CTC1: variants seen among roughly 807,000 people sequenced by gnomAD.
CTC1 encodes the protein CST complex subunit CTC1.
Under a neutral mutation model 136.3 loss-of-function variants are expected in CTC1, and 91 were observed. The ratio of observed to expected loss-of-function variants is 0.67; its 90% confidence interval spans 0.56 to 0.79. CTC1 has a LOEUF of 0.79. Ranked by LOEUF, CTC1 falls within the 30% of genes least tolerant of loss-of-function variation. CTC1 has a pLI of 0.00. For synonymous variants in CTC1, 606 were observed against 613.8 expected (o/e 0.99, Z 0.19); for missense variants, 1,432 against 1,498.1 (o/e 0.96, Z 0.73).
Position 8,228,310 on chromosome 17 carries a change from CGAG to C in CTC1, c.3521_3523del (p.Pro1174del). ...CTCTCCACACTGGAATCGCTGTAGC[CGAG>C]GAGGTTCTGAGGTGGGAAGAGAGGA... is the stretch of plus-strand genomic sequence containing the variant. On this transcript the variant is annotated inframe_deletion, in exon 23 of 23. Transcript: ENST00000651323. 1 of 1,613,968 alleles carries C rather than the reference CGAG, an allele frequency of 6.2e-7. No individual in the cohort carries two copies. Among genetic ancestry groups the C allele is most frequent in the East Asian group, 2.2e-5 (1 of 44,864 alleles).
Position 8,228,116 on chromosome 17 carries a change from A to G in CTC1, c.*64T>C. 6.7e-7 allele frequency: 1 copy of G among 1,495,900 alleles called. No individual in the cohort carries two copies. The highest frequency in any genetic ancestry group is 1.1e-5 in the South Asian group (1 of 88,094). The allele number at this position is 1,495,900 out of a possible 1,614,324, so 92.7% of individuals were successfully genotyped here. ...CAATCACAGAACAAGTAGGGAGAGG[A>G]GCCAGGACCTAGGCCTTCAGGTTTT... On this transcript the variant is annotated 3_prime_UTR_variant, in exon 23 of 23. Transcript: ENST00000651323.
chr17:8,232,089 G>C lies in CTC1; in HGVS notation c.2199C>G (p.Phe733Leu). The change falls in exon 13 of 23, where the codon TTC (phenylalanine) becomes TTG (leucine). Residue 733 changes from phenylalanine (F) to leucine (L), a missense_variant. Coordinates refer to ENST00000651323, the MANE Select transcript of CTC1 (RefSeq NM_025099.6). ...TGAGGGCCTCCTTGTGGCAGAGCAA[G>C]AAGAGCCGGCTCTGTCCTAGGTGGG... Reference protein sequence around the residue: ...EGPHLGQSRLFLLCHKEALMK... With the variant: ...EGPHLGQSRLLLLCHKEALMK... 1 of 1,552,670 alleles carries C rather than the reference G, an allele frequency of 6.4e-7. No individual in the cohort carries two copies. The highest frequency in any genetic ancestry group is 8.7e-7 in the Non-Finnish European group (1 of 1,154,880).
Position 8,230,379 on chromosome 17 carries a change from T to C in CTC1, c.2848A>G (p.Ile950Val), listed in dbSNP as rs763883380. Residue 950 changes from isoleucine (I) to valine (V), a missense_variant, in exon 17 of 23, where the codon ATA becomes GTA. Physicochemically the swap from Ile to Val is conservative, Grantham distance 29 (BLOSUM62 3). Transcript: ENST00000651323. ...CEFPPHLDVY[I>V]EDPHLPPSLG... ...GAGGGAGGCAAGTGTGGGTCTTCTA[T>C]ATATACATCCAGGTGAGGGGGGAAT... is the stretch of plus-strand genomic sequence containing the variant. 5 of 1,614,036 alleles carry C rather than the reference T, an allele frequency of 3.1e-6. No homozygotes were observed. The highest frequency in any genetic ancestry group is 2.2e-5 in the East Asian group (1 of 44,890).
In CTC1 at chr17:8,225,033, T is replaced by C. The variant is rs908743542; in HGVS notation, c.*3147A>G. 1 of 152,166 alleles carries C rather than the reference T, an allele frequency of 6.6e-6. No homozygotes were observed. The highest frequency in any genetic ancestry group is 1.5e-5 in the Non-Finnish European group (1 of 68,044). The allele number at this position is 152,166 out of a possible 1,614,324, so 9.4% of individuals were successfully genotyped here. On this transcript the variant is annotated 3_prime_UTR_variant, in exon 23 of 23. Transcript: ENST00000651323. ...TTTGCATTTTTAGTAGAGACGAGGT[T>C]TCACTATGTTACCAGGTTTCACTAT... is the stretch of plus-strand genomic sequence containing the variant.
At chr17:8,238,815 G>A (rs1987974845) in intron 2 of CTC1, among the ~76,000 whole-genome samples, 186 bp from the exon 3 acceptor site, 2 of 152,142 alleles carry the variant, frequency 1.3e-5, no homozygotes, top group Non-Finnish European at 2.9e-5. Context: ...GATGGGGCCG[G>A]GCGAGTGGCT....
At chr17:8,240,471 T>TGGAC (rs567177255) in intron 2 of CTC1, among the ~76,000 whole-genome samples, 2,959 of 151,742 alleles carry the variant, frequency 0.02, 103 homozygotes, top group African/African-American at 0.068. Context: ...AAAAGTAATC[T>TGGAC]TAAGTGTTAT....
chr17:8,234,703 G>C lies in CTC1; in HGVS notation c.1617+46C>G, dbSNP rs546870943. On this transcript the variant is annotated intron_variant, in intron 9 of 22. Transcript: ENST00000651323. Reference sequence around the variant, plus strand: ...CGGGTGTGTGTCCCATGGGCCCCAGGTGTCCTCCAGTGTTCTGCCACCATC... The same window carrying C: ...CGGGTGTGTGTCCCATGGGCCCCAGCTGTCCTCCAGTGTTCTGCCACCATC... The C allele has an allele frequency of 3.2e-6, 5 of 1,581,982 alleles. No individual in the cohort carries two copies. In the African/African-American group the frequency reaches 6.7e-5, roughly 21 times the overall value.
chr17:8,229,990 T>G, intron 17 of CTC1, 22 bp from the exon 18 acceptor site: 1 of 1,611,750 alleles, frequency 6.2e-7, no homozygotes, highest in Non-Finnish European at 8.5e-7. Flanking sequence ...AGAGGAATAG[T>G]GAGTGACCAG....
Position 8,238,602 on chromosome 17 carries a change from A to T in CTC1, c.225T>A (p.Thr75=), listed in dbSNP as rs761598220. The T allele has an allele frequency of 3.7e-6, 6 of 1,611,376 alleles. No individual in the cohort carries two copies. In the African/African-American group the frequency reaches 6.7e-5, roughly 18 times the overall value. The change falls in exon 3 of 23, where the codon ACT becomes ACA. Residue 75 remains threonine, a synonymous_variant. Transcript: ENST00000651323. ...YSFVSVQDLK[T]HQRLPCCSHL... ...GGCTGCAGCATGGGAGACGCTGGTG[A>T]GTCTTGAGGTCCTGTACTGAGACGA...
In CTC1 at chr17:8,226,607, T is replaced by A. The variant is rs546867578; in HGVS notation, c.*1573A>T. On this transcript the variant is annotated 3_prime_UTR_variant, in exon 23 of 23. Coordinates refer to ENST00000651323, the MANE Select transcript of CTC1 (RefSeq NM_025099.6). ...GGTCAGTATGCTGAAGAAAAAAATA[T>A]GACGTAGTCGGCAGGATTCGAACCT... 1 of 151,796 alleles carries A rather than the reference T, an allele frequency of 6.6e-6. No homozygotes were observed. Among genetic ancestry groups the A allele is most frequent in the Non-Finnish European group, 1.5e-5 (1 of 68,020 alleles). The allele number at this position is 151,796 out of a possible 1,614,324, so 9.4% of individuals were successfully genotyped here. A position where few individuals can be genotyped will look rare whatever the true frequency, so the allele number is the denominator to read the frequency against.
intron 2 of CTC1, among the ~76,000 whole-genome samples, chr17:8,239,403 A>AG (rs778673185): frequency 6.6e-6 from 1 of 152,124 alleles, no homozygotes; most frequent in African/African-American, 2.4e-5. Flanking sequence ...ACTAGAGACT[A>AG]GGGGGGAAGC....
At chr17:8,238,321 C>A (rs543465136) in intron 3 of CTC1, 71 bp downstream of exon 3, 459 of 1,563,814 alleles carry the variant, frequency 2.9e-4, no homozygotes, top group Non-Finnish European at 3.8e-4. Context: ...TCCTCAGAGA[C>A]TTAATTGCCT....
Position 8,231,951 on chromosome 17 carries a change from A to G in CTC1, c.2337T>C (p.Thr779=), listed in dbSNP as rs1567603423. The change falls in exon 13 of 23, where the codon ACT becomes ACC. Residue 779 remains threonine, a synonymous_variant. Coordinates refer to ENST00000651323, the MANE Select transcript of CTC1 (RefSeq NM_025099.6). ...WLGGTQRKEG[T]GWGLPEPQGN... Reference sequence around the variant, plus strand: ...CCTGGGGCTCGGGCAGCCCCCATCCAGTACCCTCCTTCCTCTGGGTGCCCC... The same window carrying G: ...CCTGGGGCTCGGGCAGCCCCCATCCGGTACCCTCCTTCCTCTGGGTGCCCC... 2 of 1,612,894 alleles carry G rather than the reference A, an allele frequency of 1.2e-6. No homozygotes were observed. The highest frequency in any genetic ancestry group is 1.3e-5 in the African/African-American group (1 of 75,004).
At chr17:8,246,956 T>G (rs1988774327) in intron 1 of CTC1, among the ~76,000 whole-genome samples, 1 of 147,280 alleles carries the variant, frequency 6.8e-6, no homozygotes, top group Non-Finnish European at 1.5e-5. Flanking sequence ...GATTGTATTT[T>G]CTTAACATCT....
chr17:8,230,201 G>T, intron 17 of CTC1, 93 bp downstream of exon 17: 1 of 1,299,196 alleles, frequency 7.7e-7, no homozygotes, highest in Non-Finnish European at 1.1e-6. Context: ...GTATGAAAGA[G>T]AAGGGGTCGC....
chr17:8,230,263 AGAG>A, intron 17 of CTC1, 28 bp downstream of exon 17: 1 of 1,589,276 alleles, frequency 6.3e-7, no homozygotes, highest in Non-Finnish European at 8.6e-7. Flanking sequence ...ATCAGTAGCA[AGAG>A]GAGGCAGGTG....
Position 8,234,923 on chromosome 17 carries a change from C to A in CTC1, c.1443G>T (p.Leu481=). The A allele has an allele frequency of 6.3e-7, 1 of 1,594,870 alleles. No homozygotes were observed. The highest frequency in any genetic ancestry group is 8.6e-7 in the Non-Finnish European group (1 of 1,169,326). ...GGTGGTGTCTCAGCACATGGGGACACAGCCTTGGCCAGGAAAAGCAGCACA... is the reference window on the plus strand; with the variant it reads ...GGTGGTGTCTCAGCACATGGGGACAAAGCCTTGGCCAGGAAAAGCAGCACA... The part of the protein sequence containing the change: ...TKALEELACK[L]CPHVLRHHQF... Residue 481 remains leucine, a synonymous_variant, in exon 9 of 23, where the codon CTG becomes CTT. Transcript: ENST00000651323.
In CTC1 at chr17:8,228,709, C is replaced by A; in HGVS notation, c.3387+18G>T. 1 of 1,614,096 alleles carries A rather than the reference C, an allele frequency of 6.2e-7. No individual in the cohort carries two copies. The highest frequency in any genetic ancestry group is 8.5e-7 in the Non-Finnish European group (1 of 1,179,970). ...GGAATTTGGGTATCCGAGTCCCTCC[C>A]TCCCAGCCACATTACACCTCAAGTT... On this transcript the variant is annotated intron_variant, in intron 21 of 22. Transcript: ENST00000651323.
Position 8,228,754 on chromosome 17 carries a change from C to CTT in CTC1, c.3359_3360insAA (p.Phe1121SerfsTer19), listed in dbSNP as rs1362459807. The CTT allele has an allele frequency of 6.2e-7, 1 of 1,614,166 alleles. No individual in the cohort carries two copies. The highest frequency in any genetic ancestry group is 1.3e-5 in the African/African-American group (1 of 75,046). ...CAAGTTGGGCTCCAGGCCCTGCAAA[C>CTT]TGCAAGACCACTCTGCCTGGCACTT... On this transcript the variant is annotated frameshift_variant, in exon 21 of 23. Coordinates refer to ENST00000651323, the MANE Select transcript of CTC1 (RefSeq NM_025099.6). LOFTEE classifies it high-confidence loss of function.
Sources: gnomAD v4.1 joint callset for allele counts (sites outside exome capture counted in the v4.1 genomes callset) on GRCh38, gnomAD v4.1.1 for gene constraint, MANE v1.5 for transcripts, NCBI Gene and HGNC (gene_info 2026-07-23, HGNC 2026-07-21) for gene names.